Variants in PRKG1 observed in about 807,000 individuals in gnomAD.
The protein encoded by PRKG1 is protein kinase cGMP-dependent 1, also known as cGMP-dependent protein kinase 1.
Under a neutral mutation model 88.1 loss-of-function variants are expected in PRKG1, and 35 were observed. The observed-to-expected ratio is 0.40, with a 90% CI of 0.30 to 0.53. The LOEUF is 0.53. Ranked by LOEUF, PRKG1 falls within the 20% of genes least tolerant of loss-of-function variation. PRKG1 has a pLI of 0.59. For missense variants in PRKG1, 540 were observed against 839.8 expected, an observed-to-expected ratio of 0.64 and a Z score of 4.41; for synonymous variants, 303 against 292.5, an observed-to-expected ratio of 1.04 and a Z score of -0.37.
At chr10:51,138,675 G>GTTTTTTTTTGTTTTTTTTTTTTT (rs1845746970) in intron 1 of PRKG1, among the ~76,000 whole-genome samples, 1 of 68,490 alleles carries the variant, frequency 1.5e-5, no homozygotes, top group Non-Finnish European at 2.8e-5. Flanking sequence ...ATTGAGTTTT[G>GTTTTTTTTTGTTTTTTTTTTTTT]TTTTTTTTTT....
chr10:52,239,817 A>C (rs1840811522), intron 9 of PRKG1, among the ~76,000 whole-genome samples: 1 of 152,144 alleles, frequency 6.6e-6, no homozygotes, highest in Non-Finnish European at 1.5e-5. Flanking sequence ...CAATTATTAT[A>C]ATAATTTTGT....
chr10:51,218,863 G>A (rs779877935), intron 2 of PRKG1, among the ~76,000 whole-genome samples: 4 of 151,792 alleles, frequency 2.6e-5, no homozygotes, highest in Non-Finnish European at 5.9e-5. Context: ...AGTGGAAGAA[G>A]GAGAGAAGAA....
chr10:51,886,504 G>A (rs955961477), intron 4 of PRKG1, among the ~76,000 whole-genome samples: 7 of 151,990 alleles, frequency 4.6e-5, no homozygotes, highest in African/African-American at 1.5e-4. Flanking sequence ...GTTTCTTTTC[G>A]ACCTGCTAAT....
At chr10:51,398,877 T>C (rs148931512) in intron 2 of PRKG1, among the ~76,000 whole-genome samples, 2 of 152,322 alleles carry the variant, frequency 1.3e-5, no homozygotes, top group African/African-American at 4.8e-5. Context: ...ATCAGTCTTT[T>C]GCTTCTTTCA....
intron 3 of PRKG1, among the ~76,000 whole-genome samples, chr10:51,628,386 T>C (rs1839428269): frequency 1.3e-5 from 2 of 151,310 alleles, no homozygotes; most frequent in Non-Finnish European, 2.9e-5. Flanking sequence ...CAATCTCAAA[T>C]TCCTGGGGTC....
At chr10:51,146,590 C>T (rs1845954263) in intron 1 of PRKG1, among the ~76,000 whole-genome samples, 1 of 151,786 alleles carries the variant, frequency 6.6e-6, no homozygotes, top group Non-Finnish European at 1.5e-5. Context: ...TGACATAGTC[C>T]CATTTGTGTA....
At chr10:51,480,154 C>G (rs1840313316) in intron 3 of PRKG1, among the ~76,000 whole-genome samples, 1 of 152,074 alleles carries the variant, frequency 6.6e-6, no homozygotes. Context: ...CATATTTGCA[C>G]TGCTTCTCCT....
At chr10:51,786,657 G>T (rs1194869197) in intron 3 of PRKG1, among the ~76,000 whole-genome samples, 1 of 152,060 alleles carries the variant, frequency 6.6e-6, no homozygotes, top group Non-Finnish European at 1.5e-5. Flanking sequence ...CTAAACCATT[G>T]CAAACTTTTA....
At chr10:51,713,478 G>A (rs1318115553) in intron 3 of PRKG1, among the ~76,000 whole-genome samples, 2 of 152,102 alleles carry the variant, frequency 1.3e-5, no homozygotes, top group African/African-American at 2.4e-5. Context: ...TTAAAACAGA[G>A]TGCCTACCAA....
chr10:51,987,039 A>G (rs946029312), intron 5 of PRKG1, among the ~76,000 whole-genome samples: 1 of 152,126 alleles, frequency 6.6e-6, no homozygotes, highest in Non-Finnish European at 1.5e-5. Context: ...TTGAGTATAT[A>G]TTTTTGATTG....
rs544070031 is a variant in PRKG1, at chr10:52,001,783, A to G, written c.763-52701A>G. The stretch of plus-strand genomic sequence containing the variant: ...TCTCAACCACCCATATTTACTTGGT[A>G]TGAACTCCTGTTTATTATTAAGATT... On this transcript the variant is annotated intron_variant, in intron 5 of 17. Coordinates refer to ENST00000373980, the MANE Select transcript of PRKG1 (RefSeq NM_006258.4). Among the ~76,000 whole-genome samples the G allele has an allele frequency of 7.2e-4, 110 of 152,202 alleles. 1 individual carries two copies. The highest frequency in any genetic ancestry group is 2.5e-3 in the African/African-American group (105 of 41,572).
chr10:51,959,991 T>C (rs983342965), intron 5 of PRKG1, among the ~76,000 whole-genome samples: 6 of 152,136 alleles, frequency 3.9e-5, no homozygotes, highest in Admixed American at 2.0e-4. Context: ...ATTAGAAATA[T>C]GTGTGATTTT....
At chr10:52,260,526 A>G (rs1463609396) in intron 10 of PRKG1, among the ~76,000 whole-genome samples, 1 of 152,108 alleles carries the variant, frequency 6.6e-6, no homozygotes, top group Admixed American at 6.6e-5. Context: ...TAAATATTCA[A>G]CTTCACCTAC....
intron 8 of PRKG1, among the ~76,000 whole-genome samples, chr10:52,159,331 A>T (rs1475727836): frequency 6.6e-6 from 1 of 151,606 alleles, no homozygotes; most frequent in Non-Finnish European, 1.5e-5. Context: ...TAGAACATTC[A>T]TATTTTAAAT....
chr10:51,855,547 C>G (rs1365924368), intron 4 of PRKG1, among the ~76,000 whole-genome samples: 1 of 152,148 alleles, frequency 6.6e-6, no homozygotes, highest in Non-Finnish European at 1.5e-5. Context: ...TTCTCTCAGT[C>G]CAAGCAAGTC....
Position 52,200,943 on chromosome 10 carries a change from C to A in PRKG1, c.1076+38980C>A, listed in dbSNP as rs180783342. Among the ~76,000 whole-genome samples the A allele has an allele frequency of 4.9e-3, 741 of 152,194 alleles. 2 individuals carry two copies. Among genetic ancestry groups the A allele is most frequent in the Middle Eastern group, 0.017 (5 of 294 alleles). On this transcript the variant is annotated intron_variant, in intron 9 of 17. Coordinates refer to ENST00000373980, the MANE Select transcript of PRKG1 (RefSeq NM_006258.4). ...AATTTGTTTAAATTCCTTATAGATT[C>A]TAGATATTAGCTCTTTGTTAGATGT...
intron 14 of PRKG1, among the ~76,000 whole-genome samples, chr10:52,287,704 A>T (rs1569200): frequency 0.21 from 15,489 of 72,192 alleles, 1,074 homozygotes; most frequent in African/African-American, 0.39. Context: ...CAGTTAAAAA[A>T]AAAAAAAAAA....
At chr10:51,582,231 G>A (rs1023187814) in intron 3 of PRKG1, among the ~76,000 whole-genome samples, 5 of 152,162 alleles carry the variant, frequency 3.3e-5, no homozygotes, top group African/African-American at 1.2e-4. Flanking sequence ...CTGAGAAAAT[G>A]TATTATGTAA....
At chr10:52,192,333 A>G (rs1389414708) in intron 9 of PRKG1, among the ~76,000 whole-genome samples, 2 of 152,156 alleles carry the variant, frequency 1.3e-5, no homozygotes, top group East Asian at 1.9e-4. Flanking sequence ...TTAGCCAGAA[A>G]TGGTACTAAG....
Sources: allele counts gnomAD v4.1 joint callset (sites outside exome capture counted in the v4.1 genomes callset), GRCh38; gene constraint gnomAD v4.1.1; transcripts MANE v1.5; gene names NCBI Gene and HGNC (gene_info 2026-07-23, HGNC 2026-07-21).